Variants in CABCOCO1 observed in about 807,000 individuals in gnomAD.
CABCOCO1 encodes the protein ciliary-associated calcium-binding coiled-coil protein 1.
Under a neutral mutation model 35.7 loss-of-function variants are expected in CABCOCO1, and 28 were observed. That is an observed-to-expected ratio of 0.78 (90% CI 0.58 to 1.07). CABCOCO1 has a LOEUF of 1.07. Ranked by LOEUF, CABCOCO1 falls within the 50% of genes least tolerant of loss-of-function variation. CABCOCO1 has a pLI of 0.00. For missense variants in CABCOCO1, 326 were observed against 309.2 expected (o/e 1.05, Z -0.41); for synonymous variants, 95 against 100.1 (o/e 0.95, Z 0.30).
At chr10:61,691,326 G>A (rs546584541) in intron 5 of CABCOCO1, among the ~76,000 whole-genome samples, 102 of 152,196 alleles carry the variant, frequency 6.7e-4, no homozygotes, top group Non-Finnish European at 1.2e-3. Flanking sequence ...GTAGGATACA[G>A]TAACCCCTCA....
intron 2 of CABCOCO1, among the ~76,000 whole-genome samples, chr10:61,679,623 G>C (rs1839645965): frequency 6.6e-6 from 1 of 152,128 alleles, no homozygotes; most frequent in African/African-American, 2.4e-5. Flanking sequence ...TCCACCTCCA[G>C]TGTATTTCCC....
chr10:61,753,111 T>A (rs1418712934), intron 5 of CABCOCO1, among the ~76,000 whole-genome samples: 1 of 152,162 alleles, frequency 6.6e-6, no homozygotes, highest in East Asian at 1.9e-4. Context: ...TATTCTCTAA[T>A]ATGAGAGTCA....
At chr10:61,746,497 C>CAGATT (rs1564554470) in intron 5 of CABCOCO1, among the ~76,000 whole-genome samples, 2 of 152,086 alleles carry the variant, frequency 1.3e-5, no homozygotes. Context: ...GCTTGGTCTG[C>CAGATT]AGATTATGAG....
chr10:61,745,998 C>G (rs990101506), intron 5 of CABCOCO1, among the ~76,000 whole-genome samples: 3 of 152,166 alleles, frequency 2.0e-5, no homozygotes, highest in Non-Finnish European at 4.4e-5. Flanking sequence ...ACACCAATTA[C>G]CATGTTTGTC....
At chr10:61,678,488 T>G (rs913369314) in intron 2 of CABCOCO1, among the ~76,000 whole-genome samples, 2 of 152,040 alleles carry the variant, frequency 1.3e-5, no homozygotes, top group Non-Finnish European at 2.9e-5. Flanking sequence ...TATAGTGACA[T>G]GCAACATAAA....
chr10:61,670,948 C>T (rs1405000142), intron 1 of CABCOCO1, among the ~76,000 whole-genome samples: 3 of 152,268 alleles, frequency 2.0e-5, no homozygotes, highest in African/African-American at 4.8e-5. Context: ...ATTAGTATTC[C>T]ACCTTAAACT....
At chr10:61,754,269 A>G (rs1841851732) in intron 5 of CABCOCO1, among the ~76,000 whole-genome samples, 1 of 152,156 alleles carries the variant, frequency 6.6e-6, no homozygotes, top group South Asian at 2.1e-4. Flanking sequence ...TCTAAAGCCT[A>G]TAATTCAGTG....
chr10:61,679,627 A>G (rs759890964), intron 2 of CABCOCO1, among the ~76,000 whole-genome samples: 53 of 152,200 alleles, frequency 3.5e-4, no homozygotes, highest in Admixed American at 9.2e-4. Context: ...CCTCCAGTGT[A>G]TTTCCCGAAA....
At chr10:61,676,942 T>A (rs1839529590) in intron 2 of CABCOCO1, among the ~76,000 whole-genome samples, 1 of 151,938 alleles carries the variant, frequency 6.6e-6, no homozygotes, top group South Asian at 2.1e-4. Flanking sequence ...CAGGTGCCTG[T>A]AGTCCCAGCT....
At chr10:61,694,677 G>C (rs562662328) in intron 5 of CABCOCO1, among the ~76,000 whole-genome samples, 1 of 152,066 alleles carries the variant, frequency 6.6e-6, no homozygotes, top group South Asian at 2.1e-4. Flanking sequence ...GCTCAAAAAA[G>C]ATTATGAGCC....
intron 4 of CABCOCO1, among the ~76,000 whole-genome samples, chr10:61,690,003 A>G (rs1840087668): frequency 6.6e-6 from 1 of 152,124 alleles, no homozygotes; most frequent in Non-Finnish European, 1.5e-5. Flanking sequence ...ATGACCGAAT[A>G]TTCTGCAGAA....
rs767061850 is a variant in CABCOCO1, at chr10:61,760,074, G to T, written c.568G>T (p.Val190Phe). The change falls in exon 6 of 8, where the codon GTC becomes TTC. Residue 190 changes from valine (V) to phenylalanine (F), a missense_variant. Physicochemically the swap from Val to Phe is conservative, Grantham distance 50 (BLOSUM62 -1). Coordinates refer to ENST00000648843, the MANE Select transcript of CABCOCO1 (RefSeq NM_001366906.2). The stretch of plus-strand genomic sequence containing the variant: ...TTCCCATCAGCAAGTGATAGAGGTT[G>T]TCAAGTCTGCATGTGGCCCTTTCCC... ...VIGTEQVIEV[V>F]KSACGPFPNP... 5 of 1,612,846 alleles carry T rather than the reference G, an allele frequency of 3.1e-6. No homozygotes were observed. The highest frequency in any genetic ancestry group is 1.1e-5 in the South Asian group (1 of 91,036).
intron 1 of CABCOCO1, among the ~76,000 whole-genome samples, chr10:61,670,843 G>A (rs1247966670): frequency 6.6e-6 from 1 of 152,090 alleles, no homozygotes; most frequent in African/African-American, 2.4e-5. Context: ...CTCACCCATT[G>A]TCACAGTTGC....
chr10:61,701,561 T>C (rs1840460208), intron 5 of CABCOCO1: 17 of 856,450 alleles, frequency 2.0e-5, no homozygotes, highest in Non-Finnish European at 2.2e-5. Flanking sequence ...GGCCAATAGA[T>C]GGCAGGACTT....
At chr10:61,737,241 C>T (rs1321567130) in intron 5 of CABCOCO1, among the ~76,000 whole-genome samples, 1 of 152,006 alleles carries the variant, frequency 6.6e-6, no homozygotes, top group Non-Finnish European at 1.5e-5. Flanking sequence ...AAATCAAAAC[C>T]ACAATGAGAT....
At chr10:61,706,688 C>T (rs1017257607) in intron 5 of CABCOCO1, among the ~76,000 whole-genome samples, 3 of 152,136 alleles carry the variant, frequency 2.0e-5, no homozygotes, top group African/African-American at 7.2e-5. Flanking sequence ...GGAACCCATC[C>T]AGAGGCTCCT....
At chr10:61,725,166 G>T (rs946517163) in intron 5 of CABCOCO1, among the ~76,000 whole-genome samples, 5 of 152,180 alleles carry the variant, frequency 3.3e-5, no homozygotes, top group African/African-American at 1.2e-4. Context: ...TGGTGGGACT[G>T]TAAACTAGTT....
chr10:61,742,244 G>T (rs941382105), intron 5 of CABCOCO1, among the ~76,000 whole-genome samples: 2 of 152,104 alleles, frequency 1.3e-5, no homozygotes, highest in African/African-American at 4.8e-5. Flanking sequence ...CTTTGCCGGG[G>T]ACATTAAGCT....
intron 5 of CABCOCO1, among the ~76,000 whole-genome samples, chr10:61,753,987 G>A (rs928370365): frequency 3.9e-5 from 6 of 152,026 alleles, no homozygotes; most frequent in African/African-American, 1.4e-4. Flanking sequence ...TCCTCAATAT[G>A]GCTATTCTAG....
Sources: allele counts gnomAD v4.1 joint callset (sites outside exome capture counted in the v4.1 genomes callset), GRCh38; gene constraint gnomAD v4.1.1; transcripts MANE v1.5; gene names NCBI Gene and HGNC (gene_info 2026-07-23, HGNC 2026-07-21).